The following GALM variants were observed in gnomAD, a reference collection of about 807,000 sequenced individuals.
The protein encoded by GALM is aldose 1-epimerase.
Under a neutral mutation model 37.4 loss-of-function variants are expected in GALM, and 43 were observed. The observed-to-expected ratio is 1.15, with a 90% CI of 0.90 to 1.48. The LOEUF is 1.48. GALM is among the 40% of genes most tolerant of loss of function. The pLI, the probability that GALM is intolerant of heterozygous loss-of-function variation, is 0.00. For synonymous variants in GALM, 199 were observed against 170.6 expected, an observed-to-expected ratio of 1.17 and a Z score of -1.30; for missense variants, 456 against 419.1, an observed-to-expected ratio of 1.09 and a Z score of -0.77.
At chr2:38,678,925 GAGGAGAC>G (rs1420366645) in intron 2 of GALM, among the ~76,000 whole-genome samples, 1 of 152,222 alleles carries the variant, frequency 6.6e-6, no homozygotes, top group Non-Finnish European at 1.5e-5. Context: ...ATGTGGAATA[GAGGAGAC>G]AGCCAGTCCT....
chr2:38,699,289 T>C (rs1206149412), intron 4 of GALM, among the ~76,000 whole-genome samples: 3 of 152,232 alleles, frequency 2.0e-5, no homozygotes, highest in African/African-American at 7.2e-5. Context: ...AATACATATT[T>C]ACAGGGTACA....
intron 4 of GALM, among the ~76,000 whole-genome samples, chr2:38,725,786 A>T (rs1026868121): frequency 6.6e-6 from 1 of 151,980 alleles, no homozygotes; most frequent in Non-Finnish European, 1.5e-5. Flanking sequence ...ATCTTGGCTC[A>T]CCACAACCTC....
intron 4 of GALM, among the ~76,000 whole-genome samples, chr2:38,719,907 C>G (rs748226174): frequency 6.7e-6 from 1 of 149,676 alleles, no homozygotes; most frequent in Admixed American, 6.6e-5. Context: ...GTCTCACACT[C>G]TCCTGTAAAT....
At chr2:38,688,902 C>A (rs1665606668) in intron 3 of GALM, among the ~76,000 whole-genome samples, 1 of 152,136 alleles carries the variant, frequency 6.6e-6, no homozygotes, top group South Asian at 2.1e-4. Flanking sequence ...CTCACCGCAA[C>A]CTCCACCTCC....
intron 5 of GALM, among the ~76,000 whole-genome samples, chr2:38,730,818 G>C (rs1558599424): frequency 6.6e-6 from 1 of 152,086 alleles, no homozygotes; most frequent in African/African-American, 2.4e-5. Context: ...CTACTCAGGA[G>C]GCTGAGGCAG....
Position 38,733,448 on chromosome 2 carries a change from T to A in GALM, c.952-40T>A, listed in dbSNP as rs533329262. 95 of 1,535,200 alleles carry A rather than the reference T, an allele frequency of 6.2e-5. 2 individuals carry two copies. The highest frequency in any genetic ancestry group is 5.9e-4 in the South Asian group (53 of 89,188). On this transcript the variant is annotated intron_variant, in intron 6 of 6. Transcript: ENST00000272252. Reference sequence around the variant, plus strand: ...CACCCAAATGGTTAATGTTGCAGCCTGCGGTGTCAAGCATCACCTGTGTTG... The same window carrying A: ...CACCCAAATGGTTAATGTTGCAGCCAGCGGTGTCAAGCATCACCTGTGTTG...
At chr2:38,699,796 C>T (rs558161972) in intron 4 of GALM, among the ~76,000 whole-genome samples, 1 of 152,202 alleles carries the variant, frequency 6.6e-6, no homozygotes, top group East Asian at 1.9e-4. Flanking sequence ...GAAAGATACT[C>T]GATATAATTT....
rs1465632057 is a variant in GALM at position 38,689,863 on chromosome 2, T to C, written c.603T>C (p.Tyr201=). Reference sequence around the variant, plus strand: ...AAGTCACCATAGAAGCGGATACTTATTTGCCTGTGGATGAAACCCTGATTC... The same window carrying C: ...AAGTCACCATAGAAGCGGATACTTACTTGCCTGTGGATGAAACCCTGATTC... The part of the protein sequence containing the change: ...DHEVTIEADT[Y]LPVDETLIPT... Residue 201 remains tyrosine (Y), a synonymous_variant, in exon 4 of 7, where the codon TAT becomes TAC. Transcript: ENST00000272252. The C allele has an allele frequency of 6.2e-7, 1 of 1,611,940 alleles. No homozygotes were observed. Among genetic ancestry groups the C allele is most frequent in the Non-Finnish European group, 8.5e-7 (1 of 1,178,344 alleles).
At chr2:38,683,218 G>A (rs1665440920) in intron 3 of GALM, among the ~76,000 whole-genome samples, 1 of 152,114 alleles carries the variant, frequency 6.6e-6, no homozygotes, top group African/African-American at 2.4e-5. Context: ...GGTTTACTAA[G>A]GCTTTTTACG....
chr2:38,726,857 C>G (rs922163222), intron 4 of GALM, among the ~76,000 whole-genome samples: 1 of 151,212 alleles, frequency 6.6e-6, no homozygotes, highest in Non-Finnish European at 1.5e-5. Context: ...GATCACGCCA[C>G]TGCACTCCAG....
chr2:38,704,380 T>C (rs1665993635), intron 4 of GALM, among the ~76,000 whole-genome samples: 1 of 151,946 alleles, frequency 6.6e-6, no homozygotes, highest in African/African-American at 2.4e-5. Context: ...AAAAAATATT[T>C]TTTTTGAGGC....
intron 3 of GALM, 41 bp from the exon 4 acceptor site, chr2:38,689,772 A>C (rs765514900): frequency 3.5e-6 from 4 of 1,157,050 alleles, no homozygotes; most frequent in Non-Finnish European, 5.1e-6. Context: ...TATATGAAAT[A>C]AGACTAAGCA....
At chr2:38,676,593 T>C (rs1457129510) in intron 2 of GALM, among the ~76,000 whole-genome samples, 2 of 151,918 alleles carry the variant, frequency 1.3e-5, no homozygotes, top group Non-Finnish European at 2.9e-5. Flanking sequence ...TAAAACCCCG[T>C]CTCTACGAAA....
Position 38,689,966 on chromosome 2 carries a change from T to C in GALM, c.634+72T>C, listed in dbSNP as rs1038037909. The C allele has an allele frequency of 8.4e-5, 67 of 796,214 alleles. No individual in the cohort carries two copies. The Admixed American group carries it at 1.5e-3, about 18-fold the overall frequency. The allele number at this position is 796,214 out of a possible 1,614,324, so 49.3% of individuals were successfully genotyped here. On this transcript the variant is annotated intron_variant, in intron 4 of 6. Coordinates refer to ENST00000272252, the MANE Select transcript of GALM (RefSeq NM_138801.3). ...TCTCGAGGCCAAGAAAGGACATTAG[T>C]GGAGAAAGCGGTGAAATCTTAATAA...
chr2:38,682,198 C>T (rs932703993), intron 3 of GALM: 3 of 414,302 alleles, frequency 7.2e-6, no homozygotes, highest in Non-Finnish European at 1.5e-5. Context: ...CTGACAACCC[C>T]CCTTAAGTGA....
intron 4 of GALM, among the ~76,000 whole-genome samples, chr2:38,701,401 C>G (rs1254959983): frequency 1.3e-5 from 2 of 151,912 alleles, no homozygotes; most frequent in East Asian, 3.9e-4. Context: ...ATTAAGAAAG[C>G]AAAAATGAGT....
chr2:38,723,122 G>C (rs1019683991), intron 4 of GALM, among the ~76,000 whole-genome samples: 1 of 152,168 alleles, frequency 6.6e-6, no homozygotes, highest in Non-Finnish European at 1.5e-5. Context: ...AGGGTACAGA[G>C]ATAAATAGGG....
intron 4 of GALM, among the ~76,000 whole-genome samples, chr2:38,718,423 T>G (rs535913519): frequency 6.6e-6 from 1 of 151,724 alleles, no homozygotes; most frequent in East Asian, 2.0e-4. Flanking sequence ...GGTCTCGAAC[T>G]CCTGACCTCA....
rs553516271 is a variant in GALM at position 38,689,729 on chromosome 2, A to G, written c.553-84A>G. The G allele has an allele frequency of 1.3e-4, 105 of 818,074 alleles. No homozygotes were observed. In the African/African-American group the frequency reaches 1.8e-3, roughly 14 times the overall value. The allele number at this position is 818,074 out of a possible 1,614,324, so 50.7% of individuals were successfully genotyped here. A position where few individuals can be genotyped will look rare whatever the true frequency, so the allele number is the denominator to read the frequency against. Reference sequence around the variant, plus strand: ...TTTTAAAAGTTTTTGTCAATGCCTGAAAACATTTTTGCAAGATAAGTTAAA... The same window carrying G: ...TTTTAAAAGTTTTTGTCAATGCCTGGAAACATTTTTGCAAGATAAGTTAAA... On this transcript the variant is annotated intron_variant, in intron 3 of 6. Transcript: ENST00000272252.
Sources: allele counts gnomAD v4.1 joint callset (sites outside exome capture counted in the v4.1 genomes callset), GRCh38; gene constraint gnomAD v4.1.1; transcripts MANE v1.5; gene names NCBI Gene and HGNC (gene_info 2026-07-23, HGNC 2026-07-21).